TCERG1L: variants seen among roughly 807,000 people sequenced by gnomAD.
TCERG1L encodes transcription elongation regulator 1-like protein.
In TCERG1L, 37 loss-of-function variants were observed where a neutral mutation model predicts 56.3. That is an observed-to-expected ratio of 0.66 (90% CI 0.51 to 0.87). The LOEUF is 0.87. Among genes scored for constraint, TCERG1L ranks in the 40% least tolerant of loss-of-function variants. The pLI, the probability that TCERG1L is intolerant of heterozygous loss-of-function variation, is 0.00. For synonymous variants in TCERG1L, 324 were observed against 326.3 expected (o/e 0.99, Z 0.08); for missense variants, 799 against 774.2 (o/e 1.03, Z -0.38).
At chr10:131,305,264 T>C (rs1846808409) in intron 3 of TCERG1L, among the ~76,000 whole-genome samples, 1 of 152,088 alleles carries the variant, frequency 6.6e-6, no homozygotes, top group Non-Finnish European at 1.5e-5. Context: ...CAACAGAGCG[T>C]GATAACAGGC....
chr10:131,207,583 T>C (rs1474405386), intron 4 of TCERG1L, among the ~76,000 whole-genome samples: 1 of 152,090 alleles, frequency 6.6e-6, no homozygotes, highest in South Asian at 2.1e-4. Context: ...CTACATCAGG[T>C]TTAAGAACAT....
At chr10:131,236,901 G>T (rs948682382) in intron 4 of TCERG1L, among the ~76,000 whole-genome samples, 1 of 152,000 alleles carries the variant, frequency 6.6e-6, no homozygotes, top group Non-Finnish European at 1.5e-5. Context: ...ATTCAAGCTC[G>T]CATCATCCTT....
intron 5 of TCERG1L, among the ~76,000 whole-genome samples, chr10:131,165,540 A>C (rs1846021717): frequency 6.6e-6 from 1 of 152,238 alleles, no homozygotes; most frequent in Non-Finnish European, 1.5e-5. Flanking sequence ...GGCATAACAG[A>C]GCATTCAGAA....
intron 4 of TCERG1L, among the ~76,000 whole-genome samples, chr10:131,168,577 C>T (rs989743741): frequency 2.0e-5 from 3 of 152,194 alleles, no homozygotes; most frequent in Admixed American, 1.3e-4. Context: ...GTGCTGAGTT[C>T]GGATGAGGCA....
intron 1 of TCERG1L, among the ~76,000 whole-genome samples, chr10:131,309,833 G>GAAAAAAAAAAAAA (rs1846860577): frequency 2.6e-5 from 1 of 38,030 alleles, no homozygotes; most frequent in Non-Finnish European, 5.6e-5. Context: ...AGATTCTATG[G>GAAAAAAAAAAAAA]CAAAAAAAAA....
intron 3 of TCERG1L, among the ~76,000 whole-genome samples, chr10:131,270,664 T>A (rs1417210504): frequency 6.6e-6 from 1 of 152,230 alleles, no homozygotes; most frequent in Non-Finnish European, 1.5e-5. Context: ...TTATTGCCAC[T>A]CCTACCTTCT....
At chr10:131,157,945 G>A (rs1460821875) in intron 6 of TCERG1L, among the ~76,000 whole-genome samples, 1 of 152,250 alleles carries the variant, frequency 6.6e-6, no homozygotes, top group Non-Finnish European at 1.5e-5. Flanking sequence ...CACTGGCCCA[G>A]GCCATTAGAC....
chr10:131,257,018 A>C (rs1162608657), intron 4 of TCERG1L, among the ~76,000 whole-genome samples: 1 of 146,586 alleles, frequency 6.8e-6, no homozygotes, highest in Non-Finnish European at 1.5e-5. Flanking sequence ...AGAAAGAAAG[A>C]AAGAAAGAAA....
At chr10:131,239,310 A>G (rs952397559) in intron 4 of TCERG1L, among the ~76,000 whole-genome samples, 3 of 152,254 alleles carry the variant, frequency 2.0e-5, no homozygotes, top group African/African-American at 7.2e-5. Flanking sequence ...ATAAACAGAT[A>G]GAAAAGAGCC....
At chr10:131,149,974 C>A (rs1845845741) in intron 6 of TCERG1L, among the ~76,000 whole-genome samples, 1 of 152,236 alleles carries the variant, frequency 6.6e-6, no homozygotes, top group African/African-American at 2.4e-5. Flanking sequence ...AAGCTCCCAG[C>A]AGCAAGAGGG....
At chr10:131,263,832 T>C (rs540780149) in intron 3 of TCERG1L, among the ~76,000 whole-genome samples, 25 of 152,362 alleles carry the variant, frequency 1.6e-4, no homozygotes, top group African/African-American at 4.8e-4. Context: ...TCTGTTTGCA[T>C]GCTGCCTCTC....
At position 131,285,463 on chromosome 10, in the gene TCERG1L, GGGAA is replaced by G. The variant is rs1193719937; in HGVS notation, c.670+22744_670+22747del. Among the ~76,000 whole-genome samples the G allele has an allele frequency of 8.0e-3, 958 of 119,460 alleles. 22 individuals carry two copies. Among genetic ancestry groups the G allele is most frequent in the Non-Finnish European group, 0.013 (776 of 59,738 alleles). The allele number at this position is 119,460 out of a possible 152,430, so 78.4% of individuals were successfully genotyped here. ...AGAGAAACAAAGAAAGAGAGAGAAAGGGAAGAAAGAAAGAAAGAAAGAAAGAAAG... is the reference window on the plus strand; with the variant it reads ...AGAGAAACAAAGAAAGAGAGAGAAAGGAAAGAAAGAAAGAAAGAAAGAAAG... On this transcript the variant is annotated intron_variant, in intron 3 of 11. Transcript: ENST00000368642.
At chr10:131,135,733 C>T (rs768394889) in intron 7 of TCERG1L, among the ~76,000 whole-genome samples, 10 of 152,174 alleles carry the variant, frequency 6.6e-5, no homozygotes, top group Non-Finnish European at 1.2e-4. Flanking sequence ...GTAGCGGGAC[C>T]GGGGTGCAAT....
At chr10:131,250,338 G>A (rs944724246) in intron 4 of TCERG1L, among the ~76,000 whole-genome samples, 2 of 152,222 alleles carry the variant, frequency 1.3e-5, no homozygotes, top group African/African-American at 2.4e-5. Context: ...CATGCCGAGC[G>A]GGAGCCTTTG....
At chr10:131,153,512 T>G (rs1044510243) in intron 6 of TCERG1L, among the ~76,000 whole-genome samples, 1 of 152,192 alleles carries the variant, frequency 6.6e-6, no homozygotes, top group Non-Finnish European at 1.5e-5. Flanking sequence ...ATTTTCTCAT[T>G]GACTTTCTGA....
At chr10:131,219,039 C>T (rs1480527737) in intron 4 of TCERG1L, among the ~76,000 whole-genome samples, 1 of 152,194 alleles carries the variant, frequency 6.6e-6, no homozygotes, top group Non-Finnish European at 1.5e-5. Context: ...CCAGCTCACA[C>T]CTGTCCAGTG....
chr10:131,140,996 T>A (rs11017743), intron 7 of TCERG1L, among the ~76,000 whole-genome samples: 5 of 152,066 alleles, frequency 3.3e-5, no homozygotes, highest in South Asian at 4.1e-4. Context: ...TGCATCCTGC[T>A]TATGAGAGAA....
At chr10:131,125,557 C>G (rs1304687781) in intron 8 of TCERG1L, among the ~76,000 whole-genome samples, 5 of 152,186 alleles carry the variant, frequency 3.3e-5, no homozygotes, top group African/African-American at 1.2e-4. Flanking sequence ...TTTGAAAGAT[C>G]TGTATTCTCT....
At chr10:131,273,824 G>A (rs1229501075) in intron 3 of TCERG1L, among the ~76,000 whole-genome samples, 1 of 152,194 alleles carries the variant, frequency 6.6e-6, no homozygotes, top group African/African-American at 2.4e-5. Context: ...GTGAGTGCTG[G>A]CAAGTGGATG....
Sources: gnomAD v4.1 joint callset for allele counts (sites outside exome capture counted in the v4.1 genomes callset) on GRCh38, gnomAD v4.1.1 for gene constraint, MANE v1.5 for transcripts, NCBI Gene and HGNC (gene_info 2026-07-23, HGNC 2026-07-21) for gene names.